The following MAD1L1 variants were observed in gnomAD, a reference collection of about 807,000 sequenced individuals.
MAD1L1 encodes the protein mitotic spindle assembly checkpoint protein MAD1.
A neutral mutation model predicts 96.9 loss-of-function variants in MAD1L1; 95 were observed. The ratio of observed to expected loss-of-function variants is 0.98; its 90% confidence interval spans 0.83 to 1.16. The LOEUF (loss-of-function observed/expected upper bound fraction) is 1.16, where lower values mean the gene tolerates loss of function less well. MAD1L1 is among the 50% of genes most tolerant of loss of function. The pLI is 0.00. For missense variants in MAD1L1, 1,007 were observed against 954.4 expected (o/e 1.06, Z -0.73); for synonymous variants, 473 against 396.6 (o/e 1.19, Z -2.29).
At chr7:2,136,445 C>T (rs1788756494) in intron 11 of MAD1L1, among the ~76,000 whole-genome samples, 1 of 152,222 alleles carries the variant, frequency 6.6e-6, no homozygotes. Context: ...CTGGTACCCA[C>T]AGGTGCCTAG....
At chr7:2,090,776 G>A (rs1158513943) in intron 11 of MAD1L1, among the ~76,000 whole-genome samples, 1 of 152,194 alleles carries the variant, frequency 6.6e-6, no homozygotes, top group African/African-American at 2.4e-5. Context: ...AGCCCGGGCG[G>A]GGCCCTCATC....
chr7:2,149,581 C>A (rs73039233), intron 10 of MAD1L1, among the ~76,000 whole-genome samples: 1 of 152,172 alleles, frequency 6.6e-6, no homozygotes, highest in Non-Finnish European at 1.5e-5. Flanking sequence ...AGGTGCTCAG[C>A]GAGTTTTAAG....
chr7:1,860,350 T>G (rs13307908), intron 18 of MAD1L1, among the ~76,000 whole-genome samples: 3 of 60,776 alleles, frequency 4.9e-5, no homozygotes, highest in Non-Finnish European at 7.5e-5. Flanking sequence ...TGTGACATCC[T>G]GCGGGGCGGC....
chr7:2,014,554 C>G lies in MAD1L1; in HGVS notation c.1307G>C (p.Arg436Pro). 1 of 1,611,006 alleles carries G rather than the reference C, an allele frequency of 6.2e-7. No homozygotes were observed. Among genetic ancestry groups the G allele is most frequent in the Non-Finnish European group, 8.5e-7 (1 of 1,179,752 alleles). Residue 436 changes from arginine (R) to proline (P), a missense_variant, in exon 13 of 19, where the codon CGG becomes CCG. By Grantham distance (103) the Arg-to-Pro change is moderately radical. Transcript: ENST00000265854. ...CTTCTGCACCATATCCTCAGCCTCC[C>G]GCATGCGCCGCGTCAGCTGGGGTGA... is the stretch of plus-strand genomic sequence containing the variant. ...EYSPQLTRRM[R>P]EAEDMVQKVH...
chr7:1,898,831 G>A (rs1416425398), intron 17 of MAD1L1, among the ~76,000 whole-genome samples: 1 of 152,208 alleles, frequency 6.6e-6, no homozygotes, highest in East Asian at 1.9e-4. Context: ...CGCGTGAGGA[G>A]CCGGTGCTGA....
At chr7:2,204,362 G>C (rs1792479058) in intron 10 of MAD1L1, among the ~76,000 whole-genome samples, 1 of 152,198 alleles carries the variant, frequency 6.6e-6, no homozygotes, top group Non-Finnish European at 1.5e-5. Context: ...CACGTGAACA[G>C]TTTGACAAGA....
At chr7:2,122,829 G>C (rs1788042971) in intron 11 of MAD1L1, among the ~76,000 whole-genome samples, 5 of 152,242 alleles carry the variant, frequency 3.3e-5, no homozygotes, top group Admixed American at 3.3e-4. Context: ...CGCAGGATCT[G>C]TCCAGAGCTG....
chr7:2,212,690 T>C (rs1363478768), intron 10 of MAD1L1, among the ~76,000 whole-genome samples: 1 of 152,216 alleles, frequency 6.6e-6, no homozygotes, highest in Non-Finnish European at 1.5e-5. Flanking sequence ...GCCGAGCAGA[T>C]GCCAGCACCA....
chr7:2,013,191 G>A (rs965396616), intron 13 of MAD1L1, among the ~76,000 whole-genome samples: 1 of 152,248 alleles, frequency 6.6e-6, no homozygotes. Context: ...CTGTGGTCAC[G>A]CCTGTGAGGC....
At chr7:2,100,461 G>A (rs967514361) in intron 11 of MAD1L1, among the ~76,000 whole-genome samples, 4 of 152,340 alleles carry the variant, frequency 2.6e-5, no homozygotes, top group African/African-American at 7.2e-5. Context: ...TTGCTCTGTG[G>A]TACTGCCGCT....
intron 18 of MAD1L1, among the ~76,000 whole-genome samples, chr7:1,864,116 C>T (rs894812980): frequency 1.3e-5 from 2 of 152,216 alleles, no homozygotes; most frequent in African/African-American, 2.4e-5. Context: ...GGGGACGGGG[C>T]GGCCCTGCGG....
rs1210318825 is a variant in MAD1L1 at position 1,900,035 on chromosome 7, G to A, written c.1808-1645C>T. Among the ~76,000 whole-genome samples the A allele has an allele frequency of 3.3e-5, 5 of 152,214 alleles. No homozygotes were observed. The East Asian group carries it at 9.6e-4, about 29-fold the overall frequency. ...ACACAGGCAGGCAGCTGCCTTCAGA[G>A]GTGTTAGGCCAGATCACGTGCCGGA... On this transcript the variant is annotated intron_variant, in intron 17 of 18. Transcript: ENST00000265854.
intron 11 of MAD1L1, among the ~76,000 whole-genome samples, chr7:2,092,310 G>C (rs955510357): frequency 2.0e-5 from 3 of 152,150 alleles, no homozygotes; most frequent in Non-Finnish European, 4.4e-5. Context: ...CCAGGCTGGA[G>C]TGCAGTGGTG....
chr7:2,167,204 A>T (rs912487662), intron 10 of MAD1L1, among the ~76,000 whole-genome samples: 8 of 152,204 alleles, frequency 5.3e-5, no homozygotes, highest in Admixed American at 1.3e-4. Context: ...AAACCAAGGG[A>T]CTATGACTTC....
In MAD1L1 at chr7:1,926,924, C is replaced by T. The variant is rs546573473; in HGVS notation, c.1807+9763G>A. ...AAAATAGAAGACATATGGATCTTAA[C>T]AAAATAAGCAAAACTGTCCCTATTC... On this transcript the variant is annotated intron_variant, in intron 17 of 18. Transcript: ENST00000265854. Among the ~76,000 whole-genome samples the T allele has an allele frequency of 3.9e-5, 6 of 152,252 alleles. No individual in the cohort carries two copies. In the South Asian group the frequency reaches 1.2e-3, roughly 32 times the overall value.
At chr7:2,014,352 G>T (rs975967526) in intron 13 of MAD1L1, 150 bp downstream of exon 13, 32 of 967,228 alleles carry the variant, frequency 3.3e-5, no homozygotes, top group Non-Finnish European at 4.5e-5. Context: ...AGAGGAAGCA[G>T]CCCGTGGACA....
chr7:1,951,668 G>A (rs1465039319), intron 16 of MAD1L1, among the ~76,000 whole-genome samples: 1 of 152,124 alleles, frequency 6.6e-6, no homozygotes, highest in East Asian at 1.9e-4. Flanking sequence ...TAGGGGCCTC[G>A]TGTAGGTGGA....
chr7:2,022,080 C>A (rs562904691), intron 12 of MAD1L1, among the ~76,000 whole-genome samples: 1 of 152,294 alleles, frequency 6.6e-6, no homozygotes, highest in African/African-American at 2.4e-5. Flanking sequence ...CTCAGCCTCC[C>A]AAGTCGCTGG....
intron 12 of MAD1L1, among the ~76,000 whole-genome samples, chr7:2,036,449 T>A (rs913890375): frequency 6.6e-6 from 1 of 152,094 alleles, no homozygotes; most frequent in Non-Finnish European, 1.5e-5. Context: ...TCCCTTAGGG[T>A]TGGCTCAGAG....
Sources: gnomAD v4.1 joint callset for allele counts (sites outside exome capture counted in the v4.1 genomes callset) on GRCh38, gnomAD v4.1.1 for gene constraint, MANE v1.5 for transcripts, NCBI Gene and HGNC (gene_info 2026-07-23, HGNC 2026-07-21) for gene names.